The following CSMD1 variants were observed in gnomAD, a reference collection of about 807,000 sequenced individuals.
CSMD1 encodes CUB and Sushi multiple domains 1.
CSMD1 carries 213 observed loss-of-function variants against 417.5 expected under a neutral mutation model. The ratio of observed to expected loss-of-function variants is 0.51; its 90% CI spans 0.46 to 0.57. CSMD1 has a LOEUF of 0.57. CSMD1 is among the 20% of genes least tolerant of loss of function. CSMD1 has a pLI of 0.00. For missense variants in CSMD1, 6,923 were observed against 4,529.7 expected (o/e 1.53, Z -15.17); for synonymous variants, 2,862 against 1,736.8 (o/e 1.65, Z -16.11).
In CSMD1 at chr8:4,842,212, G is replaced by C. The variant is rs113096544; in HGVS notation, c.85+152120C>G. Among the ~76,000 whole-genome samples, 859 of 152,308 alleles carry C rather than the reference G, an allele frequency of 5.6e-3. 7 individuals are homozygous for C. The highest frequency in any genetic ancestry group is 0.02 in the African/African-American group (819 of 41,568). ...AATTGTAGCTGTAAACAGGTGAATT[G>C]AGTGTGGGAATTAAGGGAACCAGGG... On this transcript the variant is annotated intron_variant, in intron 1 of 69. Transcript: ENST00000635120.
At chr8:3,648,130 T>G (rs1225958946) in intron 7 of CSMD1, among the ~76,000 whole-genome samples, 3 of 152,188 alleles carry the variant, frequency 2.0e-5, no homozygotes, top group Admixed American at 2.0e-4. Context: ...ACCTACCACT[T>G]TACTATGGCC....
At chr8:4,761,225 C>A (rs896069246) in intron 1 of CSMD1, among the ~76,000 whole-genome samples, 2 of 152,018 alleles carry the variant, frequency 1.3e-5, no homozygotes, top group Non-Finnish European at 2.9e-5. Flanking sequence ...CAGGAGGTCA[C>A]AGGAGACTAT....
At chr8:3,272,751 A>T (rs1801962571) in intron 26 of CSMD1, among the ~76,000 whole-genome samples, 1 of 148,368 alleles carries the variant, frequency 6.7e-6, no homozygotes, top group Admixed American at 6.8e-5. Flanking sequence ...TTGGTGTATA[A>T]GAATGCTTGT....
chr8:4,526,552 G>C (rs532781049), intron 2 of CSMD1, among the ~76,000 whole-genome samples: 47 of 152,210 alleles, frequency 3.1e-4, no homozygotes, highest in African/African-American at 1.1e-3. Flanking sequence ...CTGTGTTGTG[G>C]TCTATTACGA....
At chr8:4,520,950 T>A (rs1362115798) in intron 2 of CSMD1, among the ~76,000 whole-genome samples, 1 of 152,194 alleles carries the variant, frequency 6.6e-6, no homozygotes, top group Non-Finnish European at 1.5e-5. Context: ...CAGTTATGAA[T>A]TTTTAAATCT....
chr8:4,961,900 T>C (rs199533855), intron 1 of CSMD1, among the ~76,000 whole-genome samples: 5,617 of 150,080 alleles, frequency 0.037, 339 homozygotes, highest in African/African-American at 0.13. Context: ...AATTCCTTCC[T>C]TTTTTTTCCA....
At chr8:3,207,671 T>C (rs1797380905) in intron 30 of CSMD1, among the ~76,000 whole-genome samples, 1 of 152,156 alleles carries the variant, frequency 6.6e-6, no homozygotes, top group African/African-American at 2.4e-5. Flanking sequence ...ACTTAAGTTG[T>C]ATTCTAAAAG....
Position 3,671,866 on chromosome 8 carries a change from C to G in CSMD1, c.1009+36548G>C, listed in dbSNP as rs200650314. Among the ~76,000 whole-genome samples the G allele has an allele frequency of 2.3e-4, 35 of 152,184 alleles. 1 individual carries two copies. The East Asian group carries it at 2.9e-3, about 13-fold the overall frequency. ...CAGGCCCACTCACCTGTCACCACCTCTATCACTGGGAGATGGGGCACCCAC... is the reference window on the plus strand; with the variant it reads ...CAGGCCCACTCACCTGTCACCACCTGTATCACTGGGAGATGGGGCACCCAC... On this transcript the variant is annotated intron_variant, in intron 7 of 69. Coordinates refer to ENST00000635120, the MANE Select transcript of CSMD1 (RefSeq NM_033225.6).
chr8:4,774,459 G>C (rs1336317808), intron 1 of CSMD1, among the ~76,000 whole-genome samples: 11 of 152,082 alleles, frequency 7.2e-5, no homozygotes, highest in Non-Finnish European at 1.6e-4. Flanking sequence ...CTCTAACAAT[G>C]CCATTTAGAG....
intron 1 of CSMD1, among the ~76,000 whole-genome samples, chr8:4,797,339 T>C (rs960234617): frequency 6.6e-6 from 1 of 152,178 alleles, no homozygotes; most frequent in Non-Finnish European, 1.5e-5. Context: ...GCACCTGGAA[T>C]GAAGCAGGAG....
In CSMD1 at chr8:4,376,767, T is replaced by C. The variant is rs148854826; in HGVS notation, c.415+43186A>G. 5.3e-3 allele frequency among the ~76,000 whole-genome samples: 815 copies of C among 152,352 alleles called. 8 individuals carry two copies. Among genetic ancestry groups the C allele is most frequent in the South Asian group, 0.04 (194 of 4,828 alleles). ...CACCCAGCTGCAATATTTTTCAGCCTGTTTGATAACCAACTCTATTTTCTG... is the reference window on the plus strand; with the variant it reads ...CACCCAGCTGCAATATTTTTCAGCCCGTTTGATAACCAACTCTATTTTCTG... On this transcript the variant is annotated intron_variant, in intron 3 of 69. Coordinates refer to ENST00000635120, the MANE Select transcript of CSMD1 (RefSeq NM_033225.6).
intron 5 of CSMD1, among the ~76,000 whole-genome samples, chr8:3,982,647 G>A (rs1460829069): frequency 2.0e-5 from 3 of 151,992 alleles, no homozygotes; most frequent in Admixed American, 6.6e-5. Flanking sequence ...ATTATGTGGG[G>A]CAAAGATAGG....
intron 1 of CSMD1, among the ~76,000 whole-genome samples, chr8:4,780,275 G>C (rs17071319): frequency 6.6e-6 from 1 of 152,152 alleles, no homozygotes; most frequent in Non-Finnish European, 1.5e-5. Flanking sequence ...TGCTTTCTGA[G>C]CCCAGGCTTT....
At chr8:4,924,677 G>T (rs1484156036) in intron 1 of CSMD1, among the ~76,000 whole-genome samples, 4 of 115,192 alleles carry the variant, frequency 3.5e-5, no homozygotes, top group Admixed American at 1.4e-4. Flanking sequence ...AGCCGAGATC[G>T]CACCATTGCA....
intron 23 of CSMD1, among the ~76,000 whole-genome samples, chr8:3,341,638 C>A (rs1418960149): frequency 2.0e-5 from 3 of 152,106 alleles, no homozygotes; most frequent in Admixed American, 2.0e-4. Context: ...CCCAGGCCAA[C>A]GTTTTCTGCT....
At chr8:2,987,876 G>A (rs373572227) in intron 54 of CSMD1, among the ~76,000 whole-genome samples, 1 of 152,260 alleles carries the variant, frequency 6.6e-6, no homozygotes, top group South Asian at 2.1e-4. Flanking sequence ...GCTTTGTTAA[G>A]TCACATCACT....
At chr8:3,343,646 C>A (rs1187902024) in intron 22 of CSMD1, among the ~76,000 whole-genome samples, 196 bp from the exon 23 acceptor site, 1 of 152,152 alleles carries the variant, frequency 6.6e-6, no homozygotes, top group East Asian at 1.9e-4. Context: ...ACCATTAACA[C>A]TGGAGGCAAA....
rs781323977 is a variant in CSMD1 at position 3,118,447 on chromosome 8, G to C, written c.6382C>G (p.Gln2128Glu). The C allele has an allele frequency of 6.2e-7, 1 of 1,613,818 alleles. No homozygotes were observed. The highest frequency in any genetic ancestry group is 1.1e-5 in the South Asian group (1 of 91,038). Residue 2128 changes from glutamine to glutamate, a missense_variant, in exon 42 of 70, where the codon CAG becomes GAG. By Grantham distance (29) the Gln-to-Glu change is conservative. Coordinates refer to ENST00000635120, the MANE Select transcript of CSMD1 (RefSeq NM_033225.6). Reference protein sequence around the residue: ...ILIGHPVLTCQHGINRNWNYP... With the variant: ...ILIGHPVLTCEHGINRNWNYP... ...TTCCAGTTTCTGTTGATCCCATGCTGACAAGTGAGGACAGGATGGCCTATT... is the reference window on the plus strand; with the variant it reads ...TTCCAGTTTCTGTTGATCCCATGCTCACAAGTGAGGACAGGATGGCCTATT...
At chr8:3,191,593 A>G (rs1401001202) in intron 33 of CSMD1, among the ~76,000 whole-genome samples, 2 of 152,136 alleles carry the variant, frequency 1.3e-5, no homozygotes, top group Non-Finnish European at 2.9e-5. Context: ...TGTGTATCTC[A>G]TGGGCTTTGG....
Sources: allele counts gnomAD v4.1 joint callset (sites outside exome capture counted in the v4.1 genomes callset), GRCh38; gene constraint gnomAD v4.1.1; transcripts MANE v1.5; gene names NCBI Gene and HGNC (gene_info 2026-07-23, HGNC 2026-07-21).